FYTTD1: variants seen among roughly 807,000 people sequenced by gnomAD.
FYTTD1 encodes UAP56-interacting factor.
FYTTD1 carries 22 observed loss-of-function variants against 40.9 expected under a neutral mutation model. The ratio of observed to expected loss-of-function variants is 0.54; its 90% CI spans 0.38 to 0.77. The LOEUF is 0.77. Among genes scored for constraint, FYTTD1 ranks in the 30% least tolerant of loss-of-function variants. The pLI, the probability that FYTTD1 is intolerant of heterozygous loss-of-function variation, is 0.00. For missense variants in FYTTD1, 351 were observed against 392.2 expected, an observed-to-expected ratio of 0.90 and a Z score of 0.89; for synonymous variants, 140 against 137.9, an observed-to-expected ratio of 1.01 and a Z score of -0.10.
chr3:197,773,696 T>C (rs1423366252), intron 5 of FYTTD1, among the ~76,000 whole-genome samples, 197 bp downstream of exon 5: 2 of 152,230 alleles, frequency 1.3e-5, no homozygotes, highest in South Asian at 4.1e-4. Flanking sequence ...CAATGTCTTA[T>C]AAGAATTTAA....
chr3:197,750,534 G>A, intron 1 of FYTTD1: 1 of 985,790 alleles, frequency 1.0e-6, no homozygotes, highest in Non-Finnish European at 1.2e-6. Flanking sequence ...GCCCGGCCGG[G>A]GCTGCGGTCG....
At chr3:197,769,842 C>T (rs1413284466) in intron 3 of FYTTD1, among the ~76,000 whole-genome samples, 3 of 151,858 alleles carry the variant, frequency 2.0e-5, no homozygotes, top group East Asian at 3.9e-4. Context: ...CCCTGAGCAC[C>T]TCACATATTT....
At chr3:197,776,889 T>TA (rs1278642915) in intron 6 of FYTTD1, 38 bp from the exon 7 acceptor site, 2 of 1,366,836 alleles carry the variant, frequency 1.5e-6, no homozygotes, top group Non-Finnish European at 2.1e-6. Flanking sequence ...TTTATCAACT[T>TA]ACATTTAATG....
chr3:197,757,690 G>A (rs960986447), intron 2 of FYTTD1, among the ~76,000 whole-genome samples: 4 of 152,286 alleles, frequency 2.6e-5, no homozygotes, highest in African/African-American at 9.6e-5. Flanking sequence ...TGGGAAGATG[G>A]CTTGAGCCTG....
chr3:197,758,605 C>T lies in FYTTD1; in HGVS notation c.235+2048C>T, dbSNP rs562927231. 3.3e-5 allele frequency among the ~76,000 whole-genome samples: 5 copies of T among 152,230 alleles called. No individual in the cohort carries two copies. The East Asian group carries it at 9.6e-4, about 29-fold the overall frequency. Reference sequence around the variant, plus strand: ...TCCATGAAGTGTCAGAAAAGCTTTCCTTTTATGGATGTTATGATCTGAGCC... The same window carrying T: ...TCCATGAAGTGTCAGAAAAGCTTTCTTTTTATGGATGTTATGATCTGAGCC... On this transcript the variant is annotated intron_variant, in intron 2 of 8. Coordinates refer to ENST00000241502, the MANE Select transcript of FYTTD1 (RefSeq NM_032288.7).
chr3:197,756,788 T>C (rs573143238), intron 2 of FYTTD1, among the ~76,000 whole-genome samples: 44 of 152,358 alleles, frequency 2.9e-4, no homozygotes, highest in Non-Finnish European at 6.2e-4. Flanking sequence ...AACTTCAGTT[T>C]ATACACAGTC....
chr3:197,781,675 A>G (rs754398984), intron 8 of FYTTD1, 136 bp from the exon 9 acceptor site: 1 of 608,312 alleles, frequency 1.6e-6, no homozygotes, highest in Non-Finnish European at 2.9e-6. Context: ...TCATACATGT[A>G]AATATTTAGG....
chr3:197,757,003 C>T (rs971801763), intron 2 of FYTTD1, among the ~76,000 whole-genome samples: 5 of 152,118 alleles, frequency 3.3e-5, no homozygotes, highest in South Asian at 2.1e-4. Context: ...CCTATCACTT[C>T]GGTAAAGTTA....
chr3:197,784,165 C>T lies in FYTTD1; in HGVS notation c.*2256C>T, dbSNP rs1730102689. On this transcript the variant is annotated 3_prime_UTR_variant, in exon 9 of 9. Transcript: ENST00000241502. Reference sequence around the variant, plus strand: ...TATGCAAAACATTGGTGCCGTGCATCACCAAATGAAAGTTTGTATTTAACG... The same window carrying T: ...TATGCAAAACATTGGTGCCGTGCATTACCAAATGAAAGTTTGTATTTAACG... 1 of 152,542 alleles carries T rather than the reference C, an allele frequency of 6.6e-6. No individual in the cohort carries two copies. The highest frequency in any genetic ancestry group is 2.4e-5 in the African/African-American group (1 of 41,414). 9.4% of individuals were successfully genotyped at this position (152,542 alleles called of 1,614,324 possible). A position where few individuals can be genotyped will look rare whatever the true frequency, so the allele number is the denominator to read the frequency against.
rs528906679 is a variant in FYTTD1, at chr3:197,761,621, C to A, written c.235+5064C>A. Among the ~76,000 whole-genome samples the A allele has an allele frequency of 3.3e-5, 5 of 152,302 alleles. No individual in the cohort carries two copies. In the East Asian group the frequency reaches 9.6e-4, roughly 29 times the overall value. ...CAGTGTTAGAATGTATAGAGTTGTT[C>A]TTCAGTGGTGGAATGGTATAGAGTT... On this transcript the variant is annotated intron_variant, in intron 2 of 8. Coordinates refer to ENST00000241502, the MANE Select transcript of FYTTD1 (RefSeq NM_032288.7).
In FYTTD1 at chr3:197,774,211, G is replaced by A; in HGVS notation, c.656+1G>A. ...ATGTAGTAGCAAAGAGAACTCGTCA[G>A]TAAGTTTCCATTTGTTTTTTAAGAT... On this transcript the variant is annotated splice_donor_variant, in intron 6 of 8. Coordinates refer to ENST00000241502, the MANE Select transcript of FYTTD1 (RefSeq NM_032288.7). LOFTEE classifies it high-confidence loss of function. 3 of 1,612,522 alleles carry A rather than the reference G, an allele frequency of 1.9e-6. No individual in the cohort carries two copies. The highest frequency in any genetic ancestry group is 2.5e-6 in the Non-Finnish European group (3 of 1,178,526).
At chr3:197,762,751 G>A (rs931628029) in intron 2 of FYTTD1, among the ~76,000 whole-genome samples, 3 of 152,028 alleles carry the variant, frequency 2.0e-5, no homozygotes, top group East Asian at 3.9e-4. Flanking sequence ...GCGTGGTAGC[G>A]GGCACCTGTA....
intron 1 of FYTTD1, chr3:197,750,718 C>A: frequency 1.0e-6 from 1 of 985,476 alleles, no homozygotes; most frequent in South Asian, 4.7e-5. Context: ...TGAGCGCTGC[C>A]TAGAAAAGCA....
intron 2 of FYTTD1, among the ~76,000 whole-genome samples, chr3:197,766,460 T>TGTGTGTGTGTGTG (rs56732488): frequency 1.5e-4 from 23 of 150,826 alleles, no homozygotes; most frequent in South Asian, 2.1e-4. Context: ...TGTGTGTGTG[T>TGTGTGTGTGTGTG]TTGAGACAGG....
rs115768813 is a variant in FYTTD1, at chr3:197,777,402, G to A, written c.731+401G>A. On this transcript the variant is annotated intron_variant, in intron 7 of 8. Coordinates refer to ENST00000241502, the MANE Select transcript of FYTTD1 (RefSeq NM_032288.7). ...CTCCCGAGTCCTGAGGAGCTGCAGC[G>A]ACAGTTGCCCACCACCATGTCTGGC... 9.8e-3 allele frequency among the ~76,000 whole-genome samples: 1,489 copies of A among 151,532 alleles called. 13 individuals carry two copies. The highest frequency in any genetic ancestry group is 0.034 in the African/African-American group (1,410 of 41,286).
intron 7 of FYTTD1, among the ~76,000 whole-genome samples, chr3:197,777,770 A>G (rs997878919): frequency 1.3e-5 from 2 of 152,126 alleles, no homozygotes; most frequent in Non-Finnish European, 1.5e-5. Context: ...GCTAGAGTGC[A>G]GTGGTGCCAC....
intron 2 of FYTTD1, among the ~76,000 whole-genome samples, chr3:197,761,109 T>C (rs1251654738): frequency 1.3e-5 from 2 of 151,600 alleles, no homozygotes; most frequent in Non-Finnish European, 2.9e-5. Flanking sequence ...AGTGGTAGAC[T>C]GTATAGAGTG....
rs768178088 is a variant in FYTTD1 at position 197,756,512 on chromosome 3, C to G, written c.190C>G (p.Gln64Glu). The part of the protein sequence containing the change: ...NRRLLQQSGA[Q>E]QFRMRVRWGI... ...AAGACTCCTCCAGCAAAGTGGTGCC[C>G]AGCAATTCAGGATGAGAGTGCGATG... Residue 64 changes from glutamine (Q) to glutamate (E), a missense_variant, in exon 2 of 9, where the codon CAG becomes GAG. By Grantham distance (29) the Gln-to-Glu change is conservative. Transcript: ENST00000241502. 6.2e-7 allele frequency: 1 copy of G among 1,613,654 alleles called. No individual in the cohort carries two copies. Among genetic ancestry groups the G allele is most frequent in the Non-Finnish European group, 8.5e-7 (1 of 1,179,600 alleles).
At chr3:197,750,407 G>A (rs908975450) in intron 1 of FYTTD1, 19 of 1,051,838 alleles carry the variant, frequency 1.8e-5, no homozygotes, top group African/African-American at 3.4e-5. Context: ...GCCGCTCGCC[G>A]GCTCTTTGTG....
Sources: gnomAD v4.1 joint callset for allele counts (sites outside exome capture counted in the v4.1 genomes callset) on GRCh38, gnomAD v4.1.1 for gene constraint, MANE v1.5 for transcripts, NCBI Gene and HGNC (gene_info 2026-07-23, HGNC 2026-07-21) for gene names.